The following GRID1 variants were observed in gnomAD, a reference collection of about 807,000 sequenced individuals.
The protein encoded by GRID1 is glutamate receptor ionotropic, delta-1.
GRID1 carries 28 observed loss-of-function variants against 98.0 expected under a neutral mutation model. The observed-to-expected ratio is 0.29, with a 90% confidence interval of 0.21 to 0.39. The LOEUF (loss-of-function observed/expected upper bound fraction) is 0.39, where lower values mean the gene tolerates loss of function less well. Ranked by LOEUF, GRID1 falls within the 10% of genes least tolerant of loss-of-function variation. The probability of loss-of-function intolerance (pLI) is 1.00; values close to 1 mark genes in which losing one functional copy is unlikely to be tolerated. For missense variants in GRID1, 1,111 were observed against 1,340.5 expected (o/e 0.83, Z 2.67); for synonymous variants, 553 against 538.5 (o/e 1.03, Z -0.37).
At chr10:85,778,100 T>C (rs1842348527) in intron 8 of GRID1, among the ~76,000 whole-genome samples, 1 of 152,088 alleles carries the variant, frequency 6.6e-6, no homozygotes, top group Admixed American at 6.6e-5. Context: ...GAAGCTGGAA[T>C]CAATGGGACT....
intron 2 of GRID1, among the ~76,000 whole-genome samples, chr10:86,348,444 G>A (rs1166424189): frequency 2.0e-5 from 3 of 152,230 alleles, no homozygotes; most frequent in Non-Finnish European, 4.4e-5. Context: ...AGGGTGGATG[G>A]GTGGAGGCAA....
rs76376642 is a variant in GRID1, at chr10:85,761,504, G to A, written c.1234-31890C>T. Among the ~76,000 whole-genome samples, 343 of 152,306 alleles carry A rather than the reference G, an allele frequency of 2.3e-3. 2 individuals carry two copies. Among genetic ancestry groups the A allele is most frequent in the African/African-American group, 8.1e-3 (335 of 41,566 alleles). On this transcript the variant is annotated intron_variant, in intron 8 of 15. Transcript: ENST00000327946. ...AGGTCACTGCTCTCACAGTGCCCAC[G>A]GTGTGCAGAGGTAACAGGCATACAA...
In GRID1 at chr10:86,163,906, G is replaced by A. The variant is rs1017162711; in HGVS notation, c.521-24882C>T. Among the ~76,000 whole-genome samples, 5 of 152,268 alleles carry A rather than the reference G, an allele frequency of 3.3e-5. No individual in the cohort carries two copies. In the East Asian group the frequency reaches 5.8e-4, roughly 18 times the overall value. ...CAGCACCCCCCGCTGGTATGTGGTC[G>A]CCTGCTCAGCCTCACCCATCTGCTT... On this transcript the variant is annotated intron_variant, in intron 3 of 15. Coordinates refer to ENST00000327946, the MANE Select transcript of GRID1 (RefSeq NM_017551.3).
chr10:85,821,210 A>G (rs1842766768), intron 8 of GRID1, among the ~76,000 whole-genome samples: 1 of 152,032 alleles, frequency 6.6e-6, no homozygotes, highest in African/African-American at 2.4e-5. Flanking sequence ...AACACCAAAT[A>G]AACCATTGTA....
intron 5 of GRID1, among the ~76,000 whole-genome samples, chr10:85,910,674 T>C (rs1360377889): frequency 6.6e-6 from 1 of 152,170 alleles, no homozygotes; most frequent in Non-Finnish European, 1.5e-5. Flanking sequence ...GGGGGTCTCT[T>C]AGGATACAGT....
At chr10:86,278,188 G>T (rs1196682330) in intron 2 of GRID1, among the ~76,000 whole-genome samples, 1 of 152,026 alleles carries the variant, frequency 6.6e-6, no homozygotes, top group African/African-American at 2.4e-5. Context: ...GATATAAGTA[G>T]CTCAAAAGTG....
At chr10:85,668,997 C>T (rs1341041721) in intron 12 of GRID1, among the ~76,000 whole-genome samples, 2 of 152,216 alleles carry the variant, frequency 1.3e-5, no homozygotes, top group Non-Finnish European at 2.9e-5. Flanking sequence ...CTTGCACTGG[C>T]AAAGCCAGGT....
chr10:86,286,693 A>T (rs2132072206), intron 2 of GRID1, among the ~76,000 whole-genome samples: 1 of 152,358 alleles, frequency 6.6e-6, no homozygotes, highest in Non-Finnish European at 1.5e-5. Flanking sequence ...TGTGACCGTG[A>T]GGGAGTTACC....
chr10:86,289,251 A>G (rs1212030435), intron 2 of GRID1, among the ~76,000 whole-genome samples: 1 of 152,170 alleles, frequency 6.6e-6, no homozygotes. Flanking sequence ...TGAAAAACAG[A>G]GGGCCCCAAG....
chr10:86,334,458 G>A (rs1160925013), intron 2 of GRID1, among the ~76,000 whole-genome samples: 1 of 152,114 alleles, frequency 6.6e-6, no homozygotes, highest in African/African-American at 2.4e-5. Context: ...AGGGTTTTCT[G>A]TCACTTGCTC....
At chr10:85,698,750 C>CA (rs1349444802) in intron 12 of GRID1, among the ~76,000 whole-genome samples, 1 of 152,206 alleles carries the variant, frequency 6.6e-6, no homozygotes, top group Non-Finnish European at 1.5e-5. Context: ...AACTGTCTGC[C>CA]AAAGTGGCCA....
At chr10:85,877,652 A>G (rs966125030) in intron 5 of GRID1, among the ~76,000 whole-genome samples, 1 of 151,378 alleles carries the variant, frequency 6.6e-6, no homozygotes, top group African/African-American at 2.4e-5. Context: ...AAAAGTAGAT[A>G]AAACCACAAA....
chr10:86,276,936 T>C lies in GRID1; in HGVS notation c.236-70288A>G, dbSNP rs533185298. Among the ~76,000 whole-genome samples the C allele has an allele frequency of 5.1e-4, 77 of 152,234 alleles. No individual in the cohort carries two copies. The Middle Eastern group carries it at 0.01, about 20-fold the overall frequency. On this transcript the variant is annotated intron_variant, in intron 2 of 15. Coordinates refer to ENST00000327946, the MANE Select transcript of GRID1 (RefSeq NM_017551.3). ...TGTCCTTTTTCAAAAGAGAGAGCCA[T>C]TGTGTTAAATGAAAAAAGCCAGTCA...
At chr10:85,702,197 T>C (rs1193446229) in intron 12 of GRID1, among the ~76,000 whole-genome samples, 2 of 151,570 alleles carry the variant, frequency 1.3e-5, no homozygotes, top group South Asian at 4.2e-4. Context: ...TAAAATGAAA[T>C]CCATAAAACA....
In GRID1 at chr10:85,759,381, G is replaced by T. The variant is rs149080812; in HGVS notation, c.1234-29767C>A. 8.7e-3 allele frequency among the ~76,000 whole-genome samples: 1,319 copies of T among 152,302 alleles called. 19 individuals carry two copies. Among genetic ancestry groups the T allele is most frequent in the Middle Eastern group, 0.014 (4 of 294 alleles). ...GTCTGGTCAGGTGCTGAATGCAGCT[G>T]CTCTTGGGAAAAGACCTGGAGCCCC... On this transcript the variant is annotated intron_variant, in intron 8 of 15. Transcript: ENST00000327946.
chr10:86,086,420 T>C (rs985255093), intron 4 of GRID1, among the ~76,000 whole-genome samples: 4 of 152,182 alleles, frequency 2.6e-5, no homozygotes, highest in Non-Finnish European at 5.9e-5. Context: ...ATTGGATCTA[T>C]CAGGAGATTG....
intron 12 of GRID1, among the ~76,000 whole-genome samples, chr10:85,722,504 A>G (rs1201600039): frequency 1.3e-5 from 2 of 152,180 alleles, no homozygotes; most frequent in South Asian, 2.1e-4. Context: ...CATTTTGTAA[A>G]CATGAAGACA....
At chr10:85,761,457 A>T (rs1282387275) in intron 8 of GRID1, among the ~76,000 whole-genome samples, 1 of 152,164 alleles carries the variant, frequency 6.6e-6, no homozygotes, top group African/African-American at 2.4e-5. Context: ...GGGACTAGAG[A>T]GCCAATGCTA....
intron 8 of GRID1, among the ~76,000 whole-genome samples, chr10:85,800,883 G>C (rs916266933): frequency 1.4e-4 from 21 of 151,962 alleles, no homozygotes; most frequent in African/African-American, 4.8e-4. Flanking sequence ...GAACCACACA[G>C]CTAGTAATTG....
Sources: gnomAD v4.1 joint callset for allele counts (sites outside exome capture counted in the v4.1 genomes callset) on GRCh38, gnomAD v4.1.1 for gene constraint, MANE v1.5 for transcripts, NCBI Gene and HGNC (gene_info 2026-07-23, HGNC 2026-07-21) for gene names.